The following NUMB variants were observed in gnomAD, a reference collection of about 807,000 sequenced individuals.
NUMB encodes NUMB endocytic adaptor protein.
Under a neutral mutation model 59.7 loss-of-function variants are expected in NUMB, and 29 were observed. The ratio of observed to expected loss-of-function variants is 0.49; its 90% CI spans 0.36 to 0.66. The LOEUF is 0.66. Ranked by LOEUF, NUMB falls within the 30% of genes least tolerant of loss-of-function variation. The pLI, the probability that NUMB is intolerant of heterozygous loss-of-function variation, is 0.00. For missense variants in NUMB, 723 were observed against 822.0 expected, an observed-to-expected ratio of 0.88 and a Z score of 1.47; for synonymous variants, 288 against 288.2, an observed-to-expected ratio of 1.00 and a Z score of 0.01.
At chr14:73,405,598 C>T (rs756140425) in intron 2 of NUMB, among the ~76,000 whole-genome samples, 9 of 152,000 alleles carry the variant, frequency 5.9e-5, no homozygotes, top group Non-Finnish European at 1.2e-4. Context: ...CCACTGTGCT[C>T]AGCAGCTTGG....
At chr14:73,399,086 C>T (rs1896286819) in intron 2 of NUMB, among the ~76,000 whole-genome samples, 1 of 151,918 alleles carries the variant, frequency 6.6e-6, no homozygotes, top group Admixed American at 6.6e-5. Flanking sequence ...ACAGTATGCG[C>T]TTCCATAATT....
chr14:73,350,497 T>C (rs917633733), intron 4 of NUMB, among the ~76,000 whole-genome samples: 1 of 151,692 alleles, frequency 6.6e-6, no homozygotes, highest in Admixed American at 6.6e-5. Context: ...TACTACTCTT[T>C]TTCATTCCTT....
chr14:73,418,358 A>G (rs1457733904), intron 1 of NUMB, among the ~76,000 whole-genome samples: 1 of 152,214 alleles, frequency 6.6e-6, no homozygotes, highest in Non-Finnish European at 1.5e-5. Context: ...TTGTTGTTTA[A>G]TGGGCCCGTG....
At chr14:73,313,068 C>A (rs1391600637) in intron 6 of NUMB, among the ~76,000 whole-genome samples, 2 of 151,346 alleles carry the variant, frequency 1.3e-5, no homozygotes, top group Non-Finnish European at 2.9e-5. Flanking sequence ...CTCACTGCAA[C>A]CTCCACCTCC....
At chr14:73,410,796 T>C (rs1441955687) in intron 1 of NUMB, among the ~76,000 whole-genome samples, 2 of 152,312 alleles carry the variant, frequency 1.3e-5, no homozygotes, top group East Asian at 3.9e-4. Context: ...AAATTCCTTA[T>C]ACTTCTAACA....
intron 4 of NUMB, among the ~76,000 whole-genome samples, chr14:73,345,197 CA>C (rs1892842040): frequency 6.6e-6 from 1 of 152,120 alleles, no homozygotes; most frequent in South Asian, 2.1e-4. Flanking sequence ...TCTTTTGCAG[CA>C]ACATGGATGC....
At chr14:73,280,166 A>C (rs1888517687) in intron 11 of NUMB, among the ~76,000 whole-genome samples, 1 of 152,088 alleles carries the variant, frequency 6.6e-6, no homozygotes, top group Non-Finnish European at 1.5e-5. Context: ...CAAACAAAAA[A>C]AAATTACTCT....
intron 4 of NUMB, among the ~76,000 whole-genome samples, chr14:73,334,199 G>A (rs1194505157): frequency 1.3e-5 from 2 of 152,130 alleles, no homozygotes; most frequent in Non-Finnish European, 2.9e-5. Context: ...TTACAGGTGT[G>A]AGCCACCGCT....
chr14:73,343,764 T>C (rs898786906), intron 4 of NUMB, among the ~76,000 whole-genome samples: 2 of 22,664 alleles, frequency 8.8e-5, no homozygotes, highest in African/African-American at 6.4e-4. Flanking sequence ...TTTGTGTTGA[T>C]ATCAAAAAGG....
intron 1 of NUMB, among the ~76,000 whole-genome samples, chr14:73,440,173 T>C (rs1408353550): frequency 1.4e-5 from 2 of 147,860 alleles, no homozygotes; most frequent in East Asian, 4.0e-4. Flanking sequence ...TCTCAACTAA[T>C]GCTGCTGGGA....
chr14:73,455,340 A>C (rs1468185276), intron 1 of NUMB, among the ~76,000 whole-genome samples: 5 of 152,194 alleles, frequency 3.3e-5, no homozygotes, highest in African/African-American at 1.2e-4. Flanking sequence ...AACAGATCTA[A>C]ATCAACTCCT....
At chr14:73,395,037 TTGTGTGTGTGTGTGTGTGTGTGTGTG>T (rs3028731) in intron 2 of NUMB, among the ~76,000 whole-genome samples, 10 of 119,922 alleles carry the variant, frequency 8.3e-5, no homozygotes, top group African/African-American at 1.2e-4. Flanking sequence ...ATTCGTGTGT[TTGTGTGTGTGTGTGTGTGTGTGTGTG>T]TGTGTGTGTG....
intron 2 of NUMB, among the ~76,000 whole-genome samples, chr14:73,407,971 T>TA (rs1328971090): frequency 6.6e-6 from 1 of 152,232 alleles, no homozygotes; most frequent in Non-Finnish European, 1.5e-5. Flanking sequence ...CTCATGCCTG[T>TA]AATCCCAGCA....
chr14:73,305,058 C>T (rs1286328434), intron 6 of NUMB, among the ~76,000 whole-genome samples: 2 of 152,188 alleles, frequency 1.3e-5, no homozygotes, highest in Non-Finnish European at 2.9e-5. Context: ...TGAGCTACCG[C>T]GCCTGGCCGA....
intron 4 of NUMB, among the ~76,000 whole-genome samples, chr14:73,330,246 G>A (rs1891890315): frequency 6.6e-6 from 1 of 152,020 alleles, no homozygotes; most frequent in Admixed American, 6.6e-5. Context: ...TGCCCGGGCT[G>A]GTCTCAAACT....
At chr14:73,409,261 A>T (rs1271576349) in intron 2 of NUMB, 1 of 152,220 alleles carries the variant, frequency 6.6e-6, no homozygotes, top group Non-Finnish European at 1.5e-5. Flanking sequence ...AAGTAACACT[A>T]TGTGACTTCC....
rs1330214084 is a variant in NUMB at position 73,276,848 on chromosome 14, G to C, written c.1686C>G (p.Phe562Leu). 1 of 1,613,994 alleles carries C rather than the reference G, an allele frequency of 6.2e-7. No homozygotes were observed. The highest frequency in any genetic ancestry group is 1.3e-5 in the African/African-American group (1 of 74,918). The change falls in exon 13 of 13, where the codon TTC (phenylalanine) becomes TTG (leucine). Residue 562 changes from phenylalanine (F) to leucine (L), a missense_variant. Physicochemically the swap from Phe to Leu is conservative, Grantham distance 22. Transcript: ENST00000555238. Reference sequence around the variant, plus strand: ...TAGCACTGCTTGCCTCGTAGTGAGGGAATGTCTGCTGCCTGACCAGGCTGG... The same window carrying C: ...TAGCACTGCTTGCCTCGTAGTGAGGCAATGTCTGCTGCCTGACCAGGCTGG... ...QSPSLVRQQTFPHYEASSATT... is the reference protein window; with the variant it reads ...QSPSLVRQQTLPHYEASSATT...
chr14:73,400,725 C>G (rs1420817456), intron 2 of NUMB, among the ~76,000 whole-genome samples: 1 of 152,146 alleles, frequency 6.6e-6, no homozygotes, highest in Non-Finnish European at 1.5e-5. Flanking sequence ...ATCAATCATG[C>G]CTATGTAATG....
chr14:73,405,023 T>C (rs1896593351), intron 2 of NUMB, among the ~76,000 whole-genome samples: 1 of 152,180 alleles, frequency 6.6e-6, no homozygotes, highest in Non-Finnish European at 1.5e-5. Flanking sequence ...CCTCCCAAAG[T>C]GCTGGGATTA....
Sources: gnomAD v4.1 joint callset for allele counts (sites outside exome capture counted in the v4.1 genomes callset) on GRCh38, gnomAD v4.1.1 for gene constraint, MANE v1.5 for transcripts, NCBI Gene and HGNC (gene_info 2026-07-23, HGNC 2026-07-21) for gene names.